Variants in TLR3 observed in about 807,000 individuals in gnomAD.
TLR3 encodes the protein toll like receptor 3, also known as toll-like receptor 3.
A neutral mutation model predicts 66.4 loss-of-function variants in TLR3; 43 were observed. That is an observed-to-expected ratio of 0.65 (90% CI 0.51 to 0.83). TLR3 has a LOEUF of 0.83. Among genes scored for constraint, TLR3 ranks in the 40% least tolerant of loss-of-function variants. The probability of loss-of-function intolerance (pLI) is 0.00; values close to 1 mark genes in which losing one functional copy is unlikely to be tolerated. For synonymous variants in TLR3, 397 were observed against 397.2 expected (o/e 1.00, Z 0.01); for missense variants, 982 against 1,044.6 (o/e 0.94, Z 0.83).
In TLR3 at chr4:186,079,838, T is replaced by C. The variant is rs2150066991; in HGVS notation, c.633+807T>C. The stretch of plus-strand genomic sequence containing the variant: ...GGGCATATCAGCAAGAGAAGCTGAC[T>C]GCAAAGAAACAAAGGCTTGCTGGGG... On this transcript the variant is annotated intron_variant, in intron 3 of 4. Coordinates refer to ENST00000296795, the MANE Select transcript of TLR3 (RefSeq NM_003265.3). Among the ~76,000 whole-genome samples, 2 of 152,336 alleles carry C rather than the reference T, an allele frequency of 1.3e-5. 1 individual carries two copies. Among genetic ancestry groups the C allele is most frequent in the South Asian group, 4.1e-4 (2 of 4,832 alleles).
rs769990022 is a variant in TLR3, at chr4:186,083,181, C to T, written c.1495C>T (p.Pro499Ser). ...RVALKNVDSS[P>S]SPFQPLRNLT... The stretch of plus-strand genomic sequence containing the variant: ...GGCCCTTAAAAATGTGGATAGCTCT[C>T]CTTCACCATTCCAGCCTCTTCGTAA... Residue 499 changes from proline (P) to serine (S), a missense_variant, in exon 4 of 5, where the codon CCT (proline) becomes TCT (serine). By Grantham distance (74) the Pro-to-Ser change is moderately conservative. Around this residue, in one of 3 missense-constraint regions of TLR3, gnomAD observed 666 missense variants for 709.0 expected, o/e 0.94. Coordinates refer to ENST00000296795, the MANE Select transcript of TLR3 (RefSeq NM_003265.3). This position sits in a 1 kb window ranked among gnomAD's most constrained non-coding sequence, Gnocchi z 4.0. 1.2e-6 allele frequency: 2 copies of T among 1,614,232 alleles called. No individual in the cohort carries two copies. Among genetic ancestry groups the T allele is most frequent in the East Asian group, 2.2e-5 (1 of 44,888 alleles).
At chr4:186,081,328 C>T (rs998810454) in intron 3 of TLR3, among the ~76,000 whole-genome samples, 5 of 152,014 alleles carry the variant, frequency 3.3e-5, no homozygotes, top group African/African-American at 1.2e-4. Flanking sequence ...GTTTCGACTG[C>T]CTGCCGGAAC....
Position 186,083,577 on chromosome 4 carries a change from G to C in TLR3, c.1891G>C (p.Gly631Arg). The C allele has an allele frequency of 5.0e-6, 8 of 1,612,804 alleles. No homozygotes were observed. Among genetic ancestry groups the C allele is most frequent in the Non-Finnish European group, 6.8e-6 (8 of 1,179,568 alleles). ...LITSVEKKVFGPAFRNLTELD... is the reference protein window; with the variant it reads ...LITSVEKKVFRPAFRNLTELD... ...AACATCCGTTGAGAAGAAGGTTTTCGGGCCAGCTTTCAGGAACCTGACTGA... is the reference window on the plus strand; with the variant it reads ...AACATCCGTTGAGAAGAAGGTTTTCCGGCCAGCTTTCAGGAACCTGACTGA... The change falls in exon 4 of 5, where the codon GGG (glycine) becomes CGG (arginine). Residue 631 changes from glycine to arginine, a missense_variant. This residue lies in a region of TLR3 where 666 missense variants were observed against 709.0 expected (regional missense o/e 0.94). Coordinates refer to ENST00000296795, the MANE Select transcript of TLR3 (RefSeq NM_003265.3). This position sits in a 1 kb window ranked among gnomAD's most constrained non-coding sequence, Gnocchi z 4.0.
At chr4:186,082,208 G>C in intron 3 of TLR3, 112 bp from the exon 4 acceptor site, 2 of 909,846 alleles carry the variant, frequency 2.2e-6, no homozygotes, top group Non-Finnish European at 3.2e-6. Flanking sequence ...CTGGGCGACA[G>C]AGCGAGACTC....
chr4:186,071,777 A>T (rs1352158667), intron 1 of TLR3, among the ~76,000 whole-genome samples: 1 of 152,174 alleles, frequency 6.6e-6, no homozygotes, highest in Non-Finnish European at 1.5e-5. Flanking sequence ...TACTCACATT[A>T]GTTCTGTTTT....
intron 1 of TLR3, among the ~76,000 whole-genome samples, chr4:186,073,020 G>A (rs1485193156): frequency 6.6e-6 from 1 of 152,172 alleles, no homozygotes; most frequent in African/African-American, 2.4e-5. Flanking sequence ...TAGAAGAAGA[G>A]CAAGATGGGA....
intron 1 of TLR3, among the ~76,000 whole-genome samples, chr4:186,070,259 T>A (rs2099301211): frequency 6.6e-6 from 1 of 152,252 alleles, no homozygotes; most frequent in South Asian, 2.1e-4. Context: ...AACCTTTTCA[T>A]ACAGATCGTA....
intron 2 of TLR3, 81 bp downstream of exon 2, chr4:186,077,141 A>G: frequency 7.1e-7 from 1 of 1,410,788 alleles, no homozygotes; most frequent in Non-Finnish European, 9.7e-7. Context: ...TATCAAGGAA[A>G]TAAAGAGGAA....
Position 186,078,863 on chromosome 4 carries a change from T to G in TLR3, c.465T>G (p.Ser155=), listed in dbSNP as rs1422326851. The part of the protein sequence containing the change: ...KQKNLITLDL[S]HNGLSSTKLG... ...AGAATTTAATCACATTAGATCTGTC[T>G]CATAATGGCTTGTCATCTACAAAAT... The change falls in exon 3 of 5, where the codon TCT becomes TCG. Residue 155 remains serine, a synonymous_variant. Coordinates refer to ENST00000296795, the MANE Select transcript of TLR3 (RefSeq NM_003265.3). 21 of 1,614,052 alleles carry G rather than the reference T, an allele frequency of 1.3e-5. No homozygotes were observed. Among genetic ancestry groups the G allele is most frequent in the Non-Finnish European group, 1.8e-5 (21 of 1,179,944 alleles).
In TLR3 at chr4:186,086,893, G is replaced by T. The variant is rs984987842; in HGVS notation, c.*2020G>T. On this transcript the variant is annotated 3_prime_UTR_variant, in exon 5 of 5. Coordinates refer to ENST00000296795, the MANE Select transcript of TLR3 (RefSeq NM_003265.3). ...ACAAAAGCAGAGGTTTATTGAAAAC[G>T]AAAGCACACCCCGCAGGGTGGGAGC... 1 of 152,156 alleles carries T rather than the reference G, an allele frequency of 6.6e-6. No homozygotes were observed. The allele number at this position is 152,156 out of a possible 1,614,324, so 9.4% of individuals were successfully genotyped here. A position where few individuals can be genotyped will look rare whatever the true frequency, so the allele number is the denominator to read the frequency against.
At chr4:186,079,525 A>T (rs2099303064) in intron 3 of TLR3, among the ~76,000 whole-genome samples, 1 of 152,096 alleles carries the variant, frequency 6.6e-6, no homozygotes, top group South Asian at 2.1e-4. Flanking sequence ...GCTTCATAGG[A>T]CTGTGTGGTA....
Position 186,082,874 on chromosome 4 carries a change from G to A in TLR3, c.1188G>A (p.Leu396=). ...LSNSFTSLRT[L]TNETFVSLAH... ...ACTCCTTTACAAGTTTGCGAACTTT[G>A]ACAAATGAAACATTTGTATCACTTG... is the stretch of plus-strand genomic sequence containing the variant. The change falls in exon 4 of 5, where the codon TTG becomes TTA. Residue 396 remains leucine (L), a synonymous_variant. Transcript: ENST00000296795. The A allele has an allele frequency of 6.2e-7, 1 of 1,613,532 alleles. No individual in the cohort carries two copies. The highest frequency in any genetic ancestry group is 8.5e-7 in the Non-Finnish European group (1 of 1,179,624).
chr4:186,083,666 G>T lies in TLR3; in HGVS notation c.1980G>T (p.Trp660Cys). ...AAAGTATTGCCTGGTTTGTTAATTG[G>T]ATTAACGAGACCCATACCAACATCC... ...TCESIAWFVN[W>C]INETHTNIPE... The change falls in exon 4 of 5, where the codon TGG becomes TGT. Residue 660 changes from tryptophan (W) to cysteine (C), a missense_variant. This residue lies in a region of TLR3 where 666 missense variants were observed against 709.0 expected (regional missense o/e 0.94). Transcript: ENST00000296795. This position sits in a 1 kb window ranked among gnomAD's most constrained non-coding sequence, Gnocchi z 4.0. The T allele has an allele frequency of 1.3e-6, 2 of 1,596,946 alleles. No individual in the cohort carries two copies. Among genetic ancestry groups the T allele is most frequent in the Middle Eastern group, 1.7e-4 (1 of 5,960 alleles).
rs1400046774 is a variant in TLR3 at position 186,086,889 on chromosome 4, A to C, written c.*2016A>C. Reference sequence around the variant, plus strand: ...GGCGACAAAAGCAGAGGTTTATTGAAAACGAAAGCACACCCCGCAGGGTGG... The same window carrying C: ...GGCGACAAAAGCAGAGGTTTATTGACAACGAAAGCACACCCCGCAGGGTGG... On this transcript the variant is annotated 3_prime_UTR_variant, in exon 5 of 5. Coordinates refer to ENST00000296795, the MANE Select transcript of TLR3 (RefSeq NM_003265.3). 1 of 152,216 alleles carries C rather than the reference A, an allele frequency of 6.6e-6. No homozygotes were observed. The allele number at this position is 152,216 out of a possible 1,614,324, so 9.4% of individuals were successfully genotyped here. A position where few individuals can be genotyped will look rare whatever the true frequency, so the allele number is the denominator to read the frequency against.
At chr4:186,074,258 TG>T (rs1179898079) in intron 1 of TLR3, among the ~76,000 whole-genome samples, 1 of 152,190 alleles carries the variant, frequency 6.6e-6, no homozygotes, top group Non-Finnish European at 1.5e-5. Flanking sequence ...ACTTCATCCT[TG>T]TGGGAACGTC....
At position 186,085,402 on chromosome 4, in the gene TLR3, A is replaced by AT. The variant is rs1260875908; in HGVS notation, c.*535dup. On this transcript the variant is annotated 3_prime_UTR_variant, in exon 5 of 5. Coordinates refer to ENST00000296795, the MANE Select transcript of TLR3 (RefSeq NM_003265.3). ...GTGTTGACTTTGTTAAATGTTAAAT[A>AT]TTTTTTAATATACATACCCAAGGGC... 1 of 153,454 alleles carries AT rather than the reference A, an allele frequency of 6.5e-6. No homozygotes were observed. The highest frequency in any genetic ancestry group is 1.5e-5 in the Non-Finnish European group (1 of 68,964). The allele number at this position is 153,454 out of a possible 1,614,324, so 9.5% of individuals were successfully genotyped here. A position where few individuals can be genotyped will look rare whatever the true frequency, so the allele number is the denominator to read the frequency against.
chr4:186,082,223 T>TGAAA, intron 3 of TLR3, 97 bp from the exon 4 acceptor site: 1 of 503,036 alleles, frequency 2.0e-6, no homozygotes, highest in South Asian at 2.1e-5. Context: ...AGACTCCGTC[T>TGAAA]CAAAAAAAAA....
chr4:186,077,473 TA>T (rs1167704281), intron 2 of TLR3, among the ~76,000 whole-genome samples: 1 of 152,234 alleles, frequency 6.6e-6, no homozygotes, highest in African/African-American at 2.4e-5. Context: ...ATTGTTCAAC[TA>T]AAAATTACCT....
chr4:186,071,606 G>A (rs974874176), intron 1 of TLR3, among the ~76,000 whole-genome samples: 1 of 152,200 alleles, frequency 6.6e-6, no homozygotes, highest in Admixed American at 6.5e-5. Flanking sequence ...TATAAAGAAT[G>A]TGCACAGCTT....
Sources: allele counts gnomAD v4.1 joint callset (sites outside exome capture counted in the v4.1 genomes callset), GRCh38; gene constraint gnomAD v4.1.1; regional missense constraint gnomAD v4.1.1; non-coding constraint Gnocchi (gnomAD v3.1); transcripts MANE v1.5; gene names NCBI Gene and HGNC (gene_info 2026-07-23, HGNC 2026-07-21).